Variants in KAT6A observed in about 807,000 individuals in gnomAD.
KAT6A encodes histone acetyltransferase KAT6A.
KAT6A carries 9 observed loss-of-function variants against 198.4 expected under a neutral mutation model. That is an observed-to-expected ratio of 0.05 (90% CI 0.03 to 0.08). KAT6A has a LOEUF of 0.08. Ranked by LOEUF, KAT6A falls within the 10% of genes least tolerant of loss-of-function variation. The pLI, the probability that KAT6A is intolerant of heterozygous loss-of-function variation, is 1.00. For synonymous variants in KAT6A, 890 were observed against 883.0 expected (o/e 1.01, Z -0.14); for missense variants, 2,077 against 2,509.9 (o/e 0.83, Z 3.69).
At chr8:41,975,704 A>G (rs1046100203) in intron 7 of KAT6A, among the ~76,000 whole-genome samples, 1 of 152,208 alleles carries the variant, frequency 6.6e-6, no homozygotes, top group Non-Finnish European at 1.5e-5. Context: ...TTCGGTACTT[A>G]AACTTTATAA....
chr8:42,033,113 T>A (rs557643621), intron 2 of KAT6A, among the ~76,000 whole-genome samples: 1 of 152,184 alleles, frequency 6.6e-6, no homozygotes, highest in African/African-American at 2.4e-5. Flanking sequence ...GACCTCATGA[T>A]CTGCCTGTCT....
chr8:41,936,803 G>A (rs565177069), intron 16 of KAT6A, among the ~76,000 whole-genome samples: 77 of 152,252 alleles, frequency 5.1e-4, no homozygotes, highest in African/African-American at 1.6e-3. Context: ...GCTCTTTCTG[G>A]AGAATTGTCT....
In KAT6A at chr8:41,934,882, A is replaced by AG. The variant is rs904362563; in HGVS notation, c.3353-16_3353-15insC. 19 of 1,564,910 alleles carry AG rather than the reference A, an allele frequency of 1.2e-5. No homozygotes were observed. The highest frequency in any genetic ancestry group is 1.6e-5 in the Non-Finnish European group (18 of 1,159,884). ...GATAGGAGTGTCTATACAGGAAGGA[A>AG]AAAAAACAAAGACAGGTTACAAGGT... On this transcript the variant is annotated splice_polypyrimidine_tract_variant and intron_variant, in intron 16 of 16. Transcript: ENST00000265713.
intron 2 of KAT6A, among the ~76,000 whole-genome samples, chr8:42,034,569 T>C (rs1207961039): frequency 6.6e-6 from 1 of 152,220 alleles, no homozygotes; most frequent in Non-Finnish European, 1.5e-5. Flanking sequence ...ATGGAGCACT[T>C]ATGTGCTAAA....
At chr8:41,934,888 A>G (rs910554156) in intron 16 of KAT6A, 21 bp from the exon 17 acceptor site, 19 of 1,557,282 alleles carry the variant, frequency 1.2e-5, no homozygotes, top group Non-Finnish European at 1.6e-5. Context: ...AGGAAAAAAA[A>G]CAAAGACAGG....
chr8:42,006,828 T>C (rs1825774190), intron 2 of KAT6A, among the ~76,000 whole-genome samples: 2 of 151,860 alleles, frequency 1.3e-5, no homozygotes, highest in South Asian at 4.2e-4. Context: ...AAACCCTGTT[T>C]CTACTAAAAA....
Position 41,934,365 on chromosome 8 carries a change from C to T in KAT6A, c.3855G>A (p.Gln1285=), listed in dbSNP as rs112277492. The change falls in exon 17 of 17, where the codon CAG becomes CAA. Residue 1285 remains glutamine (Q), a synonymous_variant. Coordinates refer to ENST00000265713, the MANE Select transcript of KAT6A (RefSeq NM_006766.5). The stretch of plus-strand genomic sequence containing the variant: ...CTAATTCCTGCTGCTCCTCCTCTGA[C>T]TGCCTCTGCTCCTCTGAGACACGGG... ...EKPRVSEEQR[Q]SEEEQQELEE... 3 of 1,613,830 alleles carry T rather than the reference C, an allele frequency of 1.9e-6. No individual in the cohort carries two copies. In the African/African-American group the frequency reaches 4.0e-5, roughly 22 times the overall value.
intron 2 of KAT6A, among the ~76,000 whole-genome samples, chr8:42,031,676 C>CTGAA (rs1216544538): frequency 8.3e-6 from 1 of 119,856 alleles, no homozygotes; most frequent in Admixed American, 1.2e-4. Flanking sequence ...GTCGCCCAGG[C>CTGAA]TGAAGTGCAG....
intron 2 of KAT6A, among the ~76,000 whole-genome samples, chr8:42,010,719 T>C (rs1175556641): frequency 1.3e-5 from 2 of 152,188 alleles, no homozygotes; most frequent in African/African-American, 4.8e-5. Context: ...TAACAAATCT[T>C]ATGGCCCACA....
At chr8:42,030,589 C>T (rs1199494737) in intron 2 of KAT6A, among the ~76,000 whole-genome samples, 1 of 151,418 alleles carries the variant, frequency 6.6e-6, no homozygotes, top group Non-Finnish European at 1.5e-5. Flanking sequence ...TTTTGAGACA[C>T]AGTTTTGTTC....
chr8:41,974,657 G>T, intron 8 of KAT6A, 47 bp downstream of exon 8: 5 of 1,129,964 alleles, frequency 4.4e-6, no homozygotes, highest in South Asian at 1.3e-5. Flanking sequence ...CTGTTTCTCA[G>T]CCATGAACAA....
At chr8:42,028,188 T>C (rs1826931627) in intron 2 of KAT6A, among the ~76,000 whole-genome samples, 1 of 152,230 alleles carries the variant, frequency 6.6e-6, no homozygotes, top group South Asian at 2.1e-4. Context: ...CATGTGCTGA[T>C]GAGAAGAATG....
intron 3 of KAT6A, among the ~76,000 whole-genome samples, chr8:41,987,156 G>A (rs1824653614): frequency 6.6e-6 from 1 of 152,144 alleles, no homozygotes; most frequent in Non-Finnish European, 1.5e-5. Flanking sequence ...ATATTCACCA[G>A]TGTTACAACT....
At chr8:41,958,552 A>G (rs1823038769) in intron 8 of KAT6A, among the ~76,000 whole-genome samples, 1 of 152,232 alleles carries the variant, frequency 6.6e-6, no homozygotes, top group Non-Finnish European at 1.5e-5. Flanking sequence ...TTGGTTTTCC[A>G]AAGAAATGAA....
chr8:41,949,471 A>G, intron 9 of KAT6A, 108 bp from the exon 10 acceptor site: 1 of 651,204 alleles, frequency 1.5e-6, no homozygotes. Flanking sequence ...GTAACAGGTT[A>G]AAAAAAAAAC....
intron 2 of KAT6A, among the ~76,000 whole-genome samples, chr8:42,028,363 G>A (rs1015370922): frequency 1.3e-5 from 2 of 152,140 alleles, no homozygotes; most frequent in Non-Finnish European, 2.9e-5. Flanking sequence ...TATTGGAGTT[G>A]TTCTCTCCCT....
At chr8:41,971,190 G>A (rs947327081) in intron 8 of KAT6A, among the ~76,000 whole-genome samples, 3 of 148,328 alleles carry the variant, frequency 2.0e-5, no homozygotes, top group Non-Finnish European at 4.5e-5. Flanking sequence ...AAACCTGCAC[G>A]TTGTGCACAT....
At chr8:42,019,304 A>G (rs1668456630) in intron 2 of KAT6A, among the ~76,000 whole-genome samples, 1 of 152,164 alleles carries the variant, frequency 6.6e-6, no homozygotes, top group South Asian at 2.1e-4. Flanking sequence ...CTTATGTGCC[A>G]GGAACATTTT....
chr8:41,940,309 C>T (rs770254767), intron 15 of KAT6A, among the ~76,000 whole-genome samples: 2 of 152,132 alleles, frequency 1.3e-5, no homozygotes, highest in East Asian at 1.9e-4. Context: ...AGAGAGACCA[C>T]GTTAAACCAC....
Sources: allele counts gnomAD v4.1 joint callset (sites outside exome capture counted in the v4.1 genomes callset), GRCh38; gene constraint gnomAD v4.1.1; transcripts MANE v1.5; gene names NCBI Gene and HGNC (gene_info 2026-07-23, HGNC 2026-07-21).